ACSM4: variants seen among roughly 807,000 people sequenced by gnomAD.
The protein encoded by ACSM4 is acyl-coenzyme A synthetase ACSM4, mitochondrial.
ACSM4 carries 66 observed loss-of-function variants against 73.0 expected under a neutral mutation model. The ratio of observed to expected loss-of-function variants is 0.90; its 90% CI spans 0.74 to 1.11. The LOEUF (loss-of-function observed/expected upper bound fraction) is 1.11. Ranked by LOEUF, ACSM4 falls within the 50% of genes least tolerant of loss-of-function variation. The pLI, the probability that ACSM4 is intolerant of heterozygous loss-of-function variation, is 0.00. For synonymous variants in ACSM4, 222 were observed against 254.0 expected, an observed-to-expected ratio of 0.87 and a Z score of 1.20; for missense variants, 645 against 714.4, an observed-to-expected ratio of 0.90 and a Z score of 1.11.
intron 4 of ACSM4, 127 bp from the exon 5 acceptor site, chr12:7,317,899 G>T (rs777300362): frequency 5.0e-6 from 5 of 1,000,386 alleles, no homozygotes; most frequent in Non-Finnish European, 7.1e-6. Flanking sequence ...CACCTTGCCT[G>T]GGGCTTCTTT....
chr12:7,318,597 G>A (rs1946438298), intron 5 of ACSM4: 1 of 156,234 alleles, frequency 6.4e-6, no homozygotes, highest in South Asian at 2.0e-4. Flanking sequence ...TCCCAGAGCA[G>A]CTCCTCTTAT....
chr12:7,315,328 C>T (rs996794776), intron 3 of ACSM4, among the ~76,000 whole-genome samples: 2 of 151,954 alleles, frequency 1.3e-5, no homozygotes, highest in African/African-American at 2.4e-5. Flanking sequence ...TATGATACAC[C>T]AGCCAGGTGT....
intron 3 of ACSM4, among the ~76,000 whole-genome samples, chr12:7,311,169 AAAAT>A (rs766259426): frequency 7.9e-5 from 12 of 152,114 alleles, no homozygotes; most frequent in Admixed American, 7.2e-4. Context: ...TTGTCTCAAA[AAAAT>A]AAATAAATAA....
Position 7,312,017 on chromosome 12 carries a change from G to T in ACSM4, c.620+1271G>T, listed in dbSNP as rs139303273. On this transcript the variant is annotated intron_variant, in intron 3 of 12. Coordinates refer to ENST00000399422, the MANE Select transcript of ACSM4 (RefSeq NM_001080454.2). ...TGTTTTTGTAAATAAAGTTTTATTGGAATGCATCCATGCTCATTTTTCACA... is the reference window on the plus strand; with the variant it reads ...TGTTTTTGTAAATAAAGTTTTATTGTAATGCATCCATGCTCATTTTTCACA... Among the ~76,000 whole-genome samples, 339 of 152,260 alleles carry T rather than the reference G, an allele frequency of 2.2e-3. 1 individual carries two copies. The highest frequency in any genetic ancestry group is 7.7e-3 in the African/African-American group (322 of 41,554).
intron 4 of ACSM4, 56 bp from the exon 5 acceptor site, chr12:7,317,970 T>A (rs7971931): frequency 0.17 from 265,750 of 1,575,350 alleles, 24,492 homozygotes; most frequent in African/African-American, 0.3. Flanking sequence ...GATACCAGTT[T>A]GTAATTTTTG....
intron 11 of ACSM4, among the ~76,000 whole-genome samples, chr12:7,326,099 G>A (rs1591847766): frequency 6.6e-6 from 1 of 152,330 alleles, no homozygotes; most frequent in East Asian, 1.9e-4. Context: ...CTCAGTAATT[G>A]TCTAACTGGT....
At chr12:7,309,362 TA>T (rs1393666730) in intron 2 of ACSM4, among the ~76,000 whole-genome samples, 2 of 152,156 alleles carry the variant, frequency 1.3e-5, no homozygotes, top group Admixed American at 6.6e-5. Context: ...CAGGGTTGCT[TA>T]AAACAGTAGT....
chr12:7,325,036 T>C (rs958157303), intron 11 of ACSM4, among the ~76,000 whole-genome samples: 1 of 152,148 alleles, frequency 6.6e-6, no homozygotes, highest in Non-Finnish European at 1.5e-5. Context: ...CCTCCACCCC[T>C]TCAGGGAAGG....
chr12:7,322,436 G>C lies in ACSM4; in HGVS notation c.1020G>C (p.Leu340=). 1.2e-6 allele frequency: 2 copies of C among 1,613,820 alleles called. No homozygotes were observed. The highest frequency in any genetic ancestry group is 1.7e-6 in the Non-Finnish European group (2 of 1,179,818). Residue 340 remains leucine (L), a synonymous_variant, in exon 7 of 13, where the codon CTG becomes CTC. Transcript: ENST00000399422. ...KDLKRYKFKS[L]RHCLTGGEPL... ...TCTCCAGATATAAATTCAAGAGTCTGCGGCACTGCTTGACCGGAGGGGAGC... is the reference window on the plus strand; with the variant it reads ...TCTCCAGATATAAATTCAAGAGTCTCCGGCACTGCTTGACCGGAGGGGAGC...
chr12:7,321,203 A>G (rs1320001327), intron 6 of ACSM4, among the ~76,000 whole-genome samples: 1 of 152,220 alleles, frequency 6.6e-6, no homozygotes, highest in Non-Finnish European at 1.5e-5. Context: ...CTCTAGTTCT[A>G]TTCTTTTAAA....
chr12:7,322,581 C>A, intron 7 of ACSM4, 40 bp downstream of exon 7: 2 of 1,565,406 alleles, frequency 1.3e-6, no homozygotes, highest in Non-Finnish European at 8.7e-7. Flanking sequence ...TATGTGGGGG[C>A]CTTTCTGCCC....
intron 2 of ACSM4, among the ~76,000 whole-genome samples, chr12:7,307,853 A>G (rs1946370169): frequency 6.6e-6 from 1 of 152,210 alleles, no homozygotes; most frequent in Non-Finnish European, 1.5e-5. Context: ...CTGGGCCTTT[A>G]TTGAAAAGTT....
At chr12:7,320,879 C>A in intron 6 of ACSM4, 75 bp downstream of exon 6, 2 of 1,269,418 alleles carry the variant, frequency 1.6e-6, no homozygotes, top group Non-Finnish European at 2.3e-6. Flanking sequence ...TCTTTTTCAG[C>A]ATAGGATAGC....
At chr12:7,310,185 G>A (rs1172770472) in intron 2 of ACSM4, among the ~76,000 whole-genome samples, 1 of 152,156 alleles carries the variant, frequency 6.6e-6, no homozygotes, top group Non-Finnish European at 1.5e-5. Context: ...TGATTCAAAC[G>A]TGACATTAAA....
At position 7,304,519 on chromosome 12, in the gene ACSM4, C is replaced by T; in HGVS notation, c.188C>T (p.Ser63Phe). 3 of 1,613,430 alleles carry T rather than the reference C, an allele frequency of 1.9e-6. No individual in the cohort carries two copies. The highest frequency in any genetic ancestry group is 1.1e-5 in the South Asian group (1 of 91,046). The change falls in exon 1 of 13, where the codon TCC becomes TTC. Residue 63 changes from serine (S) to phenylalanine (F), a missense_variant. Transcript: ENST00000399422. ...GCTGCAGATGTGCTGGACCAGTGGT[C>T]CCAAAAGGAGAAGGTATATGACGAT... ...NFAADVLDQW[S>F]QKEKTGERPA...
intron 3 of ACSM4, among the ~76,000 whole-genome samples, chr12:7,315,447 C>T (rs1946415399): frequency 6.6e-6 from 1 of 151,402 alleles, no homozygotes; most frequent in African/African-American, 2.4e-5. Flanking sequence ...CCCATCTGTA[C>T]TAAAAATATA....
intron 12 of ACSM4, 75 bp from the exon 13 acceptor site, chr12:7,328,212 C>T (rs1466840384): frequency 2.6e-6 from 3 of 1,160,414 alleles, no homozygotes; most frequent in Non-Finnish European, 3.7e-6. Flanking sequence ...GAGTTCCATG[C>T]AAGCTCCTTC....
chr12:7,324,168 A>G, intron 9 of ACSM4, 105 bp from the exon 10 acceptor site: 1 of 1,364,316 alleles, frequency 7.3e-7, no homozygotes, highest in East Asian at 2.6e-5. Flanking sequence ...AAAAAAAAAA[A>G]TTTCCTATAT....
chr12:7,306,277 G>C (rs1047530753), intron 1 of ACSM4, among the ~76,000 whole-genome samples: 1 of 152,146 alleles, frequency 6.6e-6, no homozygotes, highest in Non-Finnish European at 1.5e-5. Flanking sequence ...AAAAAGTCCA[G>C]AGAGAGAAGG....
Sources: gnomAD v4.1 joint callset for allele counts (sites outside exome capture counted in the v4.1 genomes callset) on GRCh38, gnomAD v4.1.1 for gene constraint, MANE v1.5 for transcripts, NCBI Gene and HGNC (gene_info 2026-07-23, HGNC 2026-07-21) for gene names.